The following DENND3 variants were observed in gnomAD, a reference collection of about 807,000 sequenced individuals.
The protein encoded by DENND3 is DENN domain-containing protein 3.
DENND3 carries 88 observed loss-of-function variants against 135.1 expected under a neutral mutation model. The observed-to-expected ratio is 0.65, with a 90% CI of 0.55 to 0.78. The LOEUF (loss-of-function observed/expected upper bound fraction) is 0.78. Among genes scored for constraint, DENND3 ranks in the 30% least tolerant of loss-of-function variants. DENND3 has a pLI of 0.00. For synonymous variants in DENND3, 693 were observed against 712.3 expected (o/e 0.97, Z 0.43); for missense variants, 1,392 against 1,688.4 (o/e 0.82, Z 3.08).
Position 141,137,136 on chromosome 8 carries a change from C to T in DENND3, c.385+345C>T, listed in dbSNP as rs1452780494. Among the ~76,000 whole-genome samples the T allele has an allele frequency of 7.2e-5, 11 of 152,152 alleles. No homozygotes were observed. Among genetic ancestry groups the T allele is most frequent in the African/African-American group, 2.2e-4 (9 of 41,520 alleles). On this transcript the variant is annotated intron_variant, in intron 2 of 22. Transcript: ENST00000519811. The surrounding 1 kb of genome is among the most constrained non-coding windows in gnomAD (Gnocchi z 4.1). ...CTGGGATTACAGGTGCCAACCACCA[C>T]GCCTGGCTAACTTTTGTGTCTTTAG... is the stretch of plus-strand genomic sequence containing the variant.
At chr8:141,191,424 C>T (rs201358069) in intron 20 of DENND3, 2 of 152,400 alleles carry the variant, frequency 1.3e-5, no homozygotes, top group East Asian at 3.9e-4. Context: ...GCTCATCCTT[C>T]CCCTGCCCCA....
Position 141,130,071 on chromosome 8 carries a change from T to A in DENND3, c.102+1262T>A, listed in dbSNP as rs1467006078. On this transcript the variant is annotated intron_variant, in intron 1 of 22. Transcript: ENST00000519811. This position sits in a 1 kb window ranked among gnomAD's most constrained non-coding sequence, Gnocchi z 4.2. ...TCCTCCTTTTTCTTCGAATAGGAAG[T>A]GACCTAGTTGCCGCTGTGGTCTCCT... is the stretch of plus-strand genomic sequence containing the variant. The A allele has an allele frequency of 6.6e-6, 1 of 152,216 alleles. No individual in the cohort carries two copies. Among genetic ancestry groups the A allele is most frequent in the Non-Finnish European group, 1.5e-5 (1 of 68,028 alleles). 9.4% of individuals were successfully genotyped at this position (152,216 alleles called of 1,614,324 possible). A position where few individuals can be genotyped will look rare whatever the true frequency, so the allele number is the denominator to read the frequency against.
rs1314711721 is a variant in DENND3 at position 141,163,203 on chromosome 8, G to T, written c.1353-130G>T. On this transcript the variant is annotated intron_variant, in intron 9 of 22. Coordinates refer to ENST00000519811, the MANE Select transcript of DENND3 (RefSeq NM_001352890.3). The stretch of plus-strand genomic sequence containing the variant: ...CACATCGTATCATTTTGGTAATCAA[G>T]AATCTTTCTGAAGAACATGGCTTTT... 9.2e-6 allele frequency: 5 copies of T among 545,756 alleles called. No homozygotes were observed. In the Middle Eastern group the frequency reaches 1.5e-3, roughly 167 times the overall value. 33.8% of individuals were successfully genotyped at this position (545,756 alleles called of 1,614,324 possible).
chr8:141,165,274 A>C lies in DENND3; in HGVS notation c.1538A>C (p.Gln513Pro), dbSNP rs753398864. The C allele has an allele frequency of 6.2e-7, 1 of 1,614,076 alleles. No individual in the cohort carries two copies. The highest frequency in any genetic ancestry group is 8.5e-7 in the Non-Finnish European group (1 of 1,179,908). ...TTTGCTCAGATGGACCTCGACACCCAGTCGGAGGAGGACAGGTGCTTCACT... is the reference window on the plus strand; with the variant it reads ...TTTGCTCAGATGGACCTCGACACCCCGTCGGAGGAGGACAGGTGCTTCACT... The part of the protein sequence containing the change: ...DAFAQMDLDT[Q>P]SEEDRINGML... The change falls in exon 11 of 23, where the codon CAG becomes CCG. Residue 513 changes from glutamine (Q) to proline (P), a missense_variant. Coordinates refer to ENST00000519811, the MANE Select transcript of DENND3 (RefSeq NM_001352890.3).
rs191440334 is a variant in DENND3, at chr8:141,139,674, G to A, written c.502-1529G>A. 3.3e-5 allele frequency among the ~76,000 whole-genome samples: 5 copies of A among 152,256 alleles called. No homozygotes were observed. Among genetic ancestry groups the A allele is most frequent in the Admixed American group, 2.0e-4 (3 of 15,292 alleles). On this transcript the variant is annotated intron_variant, in intron 3 of 22. Transcript: ENST00000519811. The surrounding 1 kb of genome is among the most constrained non-coding windows in gnomAD (Gnocchi z 4.2). ...AAATAACACTTACCAGGAGCAATGC[G>A]CATGTTGTTTTCGTTATCATTAAAT...
chr8:141,169,807 G>C (rs931345776), intron 13 of DENND3, among the ~76,000 whole-genome samples: 5 of 152,244 alleles, frequency 3.3e-5, no homozygotes, highest in African/African-American at 1.2e-4. Flanking sequence ...GTGTTTTCAA[G>C]ACGTATCTGT....
At position 141,160,773 on chromosome 8, in the gene DENND3, C is replaced by A; in HGVS notation, c.1338C>A (p.Leu446=). 1 of 1,610,736 alleles carries A rather than the reference C, an allele frequency of 6.2e-7. No individual in the cohort carries two copies. Among genetic ancestry groups the A allele is most frequent in the South Asian group, 1.1e-5 (1 of 91,006 alleles). Residue 446 remains leucine, a synonymous_variant, in exon 9 of 23, where the codon CTC becomes CTA. Coordinates refer to ENST00000519811, the MANE Select transcript of DENND3 (RefSeq NM_001352890.3). ...CQIQQTTLQL[L]VSIFRDVKNH... is the part of the protein sequence containing the mutation. ...TACAGCAGACCACCCTGCAGCTGCTCGTGAGCATCTTCAGGTACGTGAGAG... is the reference window on the plus strand; with the variant it reads ...TACAGCAGACCACCCTGCAGCTGCTAGTGAGCATCTTCAGGTACGTGAGAG...
intron 21 of DENND3, 21 bp from the exon 22 acceptor site, chr8:141,192,505 A>T: frequency 6.2e-7 from 1 of 1,608,178 alleles, no homozygotes; most frequent in Non-Finnish European, 8.5e-7. Flanking sequence ...CCCATAGCCC[A>T]CACCGTGCCC....
chr8:141,157,757 CTCTT>C (rs1299032552), intron 8 of DENND3: 1 of 980,816 alleles, frequency 1.0e-6, no homozygotes, highest in East Asian at 1.1e-4. Context: ...GGAAAACTAC[CTCTT>C]TTTTTTTTTT....
chr8:141,183,073 G>A (rs1374485883), intron 17 of DENND3, among the ~76,000 whole-genome samples: 3 of 152,196 alleles, frequency 2.0e-5, no homozygotes, highest in East Asian at 3.9e-4. Context: ...CAAGGGGGCC[G>A]AAACCTCAAC....
intron 16 of DENND3, 34 bp from the exon 17 acceptor site, chr8:141,180,713 G>C (rs1296412677): frequency 1.9e-6 from 3 of 1,590,352 alleles, no homozygotes. Context: ...CCTTGAGGCT[G>C]CAACAGTAAC....
At position 141,194,857 on chromosome 8, in the gene DENND3, TGTC is replaced by T. The variant is rs1825182062; in HGVS notation, c.*625_*627del. 8.5e-6 allele frequency: 1 copy of T among 117,888 alleles called. No individual in the cohort carries two copies. The highest frequency in any genetic ancestry group is 3.1e-4 in the East Asian group (1 of 3,220). 7.3% of individuals were successfully genotyped at this position (117,888 alleles called of 1,614,324 possible). On this transcript the variant is annotated 3_prime_UTR_variant, in exon 23 of 23. Transcript: ENST00000519811. ...AGGGGTTGGGCCAGCTGAGGCAAGC[TGTC>T]TTTTTTCCCTTTTCTTTTTAATAGA...
In DENND3 at chr8:141,154,369, C is replaced by T. The variant is rs1490529014; in HGVS notation, c.1075-1480C>T. Among the ~76,000 whole-genome samples, 2 of 152,182 alleles carry T rather than the reference C, an allele frequency of 1.3e-5. No individual in the cohort carries two copies. The highest frequency in any genetic ancestry group is 2.9e-5 in the Non-Finnish European group (2 of 68,042). ...CTACGCGGTCTCTTAGCCCAGGCCC[C>T]TGCCCATGCTCTGGTGCTTGGAGGG... On this transcript the variant is annotated intron_variant, in intron 7 of 22. Transcript: ENST00000519811. The surrounding 1 kb of genome is among the most constrained non-coding windows in gnomAD (Gnocchi z 4.4).
chr8:141,189,268 G>T (rs1440758473), intron 19 of DENND3, 122 bp downstream of exon 19: 8 of 1,329,972 alleles, frequency 6.0e-6, no homozygotes, highest in Non-Finnish European at 8.3e-6. Flanking sequence ...GAGTGAAGTG[G>T]ATCTAGAACG....
rs767113872 is a variant in DENND3 at position 141,138,897 on chromosome 8, C to T, written c.501+760C>T. Among the ~76,000 whole-genome samples the T allele has an allele frequency of 2.6e-5, 4 of 152,186 alleles. No individual in the cohort carries two copies. Among genetic ancestry groups the T allele is most frequent in the Non-Finnish European group, 5.9e-5 (4 of 68,036 alleles). On this transcript the variant is annotated intron_variant, in intron 3 of 22. Coordinates refer to ENST00000519811, the MANE Select transcript of DENND3 (RefSeq NM_001352890.3). The surrounding 1 kb of genome is among the most constrained non-coding windows in gnomAD (Gnocchi z 4.8). ...ACATTTTATTTCTCCGTGTATCCGTCGATGGACCTGTGGGTTGTTTCCGCC... is the reference window on the plus strand; with the variant it reads ...ACATTTTATTTCTCCGTGTATCCGTTGATGGACCTGTGGGTTGTTTCCGCC...
At chr8:141,145,807 A>ATATATG (rs1817964293) in intron 5 of DENND3, among the ~76,000 whole-genome samples, 1 of 9,760 alleles carries the variant, frequency 1.0e-4, no homozygotes, top group African/African-American at 8.7e-4. Flanking sequence ...TGAATATTAT[A>ATATATG]TATATATATA....
Position 141,149,064 on chromosome 8 carries a change from CCAT to C in DENND3, c.736-1769_736-1767del, listed in dbSNP as rs200864613. 6.5e-3 allele frequency among the ~76,000 whole-genome samples: 997 copies of C among 152,214 alleles called. 10 individuals are homozygous for C. Among genetic ancestry groups the C allele is most frequent in the African/African-American group, 0.023 (954 of 41,522 alleles). ...TAGCTGGGATTACAGGCATGTACCA[CCAT>C]GCCTGGCTAATTTTGTATTTTTAGT... On this transcript the variant is annotated intron_variant, in intron 5 of 22. Transcript: ENST00000519811.
rs1821112375 is a variant in DENND3 at position 141,168,685 on chromosome 8, A to C, written c.2275+160A>C. Reference sequence around the variant, plus strand: ...CTCAGCCTCCCGAGTAGCTGGGACTAGACTACAGGTACGCGACACCGTGCC... The same window carrying C: ...CTCAGCCTCCCGAGTAGCTGGGACTCGACTACAGGTACGCGACACCGTGCC... On this transcript the variant is annotated intron_variant, in intron 13 of 22. Transcript: ENST00000519811. This position sits in a 1 kb window ranked among gnomAD's most constrained non-coding sequence, Gnocchi z 6.2. Among the ~76,000 whole-genome samples the C allele has an allele frequency of 6.6e-6, 1 of 151,958 alleles. No individual in the cohort carries two copies. Among genetic ancestry groups the C allele is most frequent in the Admixed American group, 6.6e-5 (1 of 15,264 alleles).
chr8:141,133,876 G>C (rs1288430411), intron 1 of DENND3, among the ~76,000 whole-genome samples: 3 of 152,224 alleles, frequency 2.0e-5, no homozygotes, highest in Admixed American at 2.0e-4. Flanking sequence ...TGCAGTGGGG[G>C]TGGCAGGAGG....
Sources: gnomAD v4.1 joint callset for allele counts (sites outside exome capture counted in the v4.1 genomes callset) on GRCh38, gnomAD v4.1.1 for gene constraint, Gnocchi (gnomAD v3.1) non-coding constraint, MANE v1.5 for transcripts, NCBI Gene and HGNC (gene_info 2026-07-23, HGNC 2026-07-21) for gene names.